Variants in CASR observed in about 807,000 individuals in gnomAD.
CASR encodes the protein calcium sensing receptor.
CASR carries 23 observed loss-of-function variants against 69.1 expected under a neutral mutation model. The observed-to-expected ratio is 0.33, with a 90% CI of 0.24 to 0.47. The LOEUF (loss-of-function observed/expected upper bound fraction) is 0.47. Among genes scored for constraint, CASR ranks in the 20% least tolerant of loss-of-function variants. The probability of loss-of-function intolerance (pLI) is 1.00; values close to 1 mark genes in which losing one functional copy is unlikely to be tolerated. For synonymous variants in CASR, 541 were observed against 544.7 expected (o/e 0.99, Z 0.10); for missense variants, 924 against 1,356.1 (o/e 0.68, Z 5.00).
chr3:122,222,667 G>A (rs2074183183), intron 1 of CASR, among the ~76,000 whole-genome samples: 1 of 152,078 alleles, frequency 6.6e-6, no homozygotes. Flanking sequence ...CATCAAGGCA[G>A]TATCTAACAA....
intron 3 of CASR, 63 bp downstream of exon 3, chr3:122,257,450 C>T (rs2074568248): frequency 4.0e-6 from 5 of 1,255,620 alleles, no homozygotes; most frequent in Non-Finnish European, 5.8e-6. Context: ...CTTGGGGGTG[C>T]CATGCCCAAT....
intron 1 of CASR, among the ~76,000 whole-genome samples, chr3:122,252,344 G>A (rs9871622): frequency 0.53 from 25,726 of 48,378 alleles, 8,682 homozygotes; most frequent in Admixed American, 0.64. Context: ...GAGAAAGAAA[G>A]AAGAAAGAAA....
chr3:122,204,704 G>A (rs530391772), intron 1 of CASR, among the ~76,000 whole-genome samples: 2 of 152,024 alleles, frequency 1.3e-5, no homozygotes, highest in Admixed American at 6.6e-5. Context: ...AGTGTATGAA[G>A]GTTCCCCTTT....
chr3:122,213,731 A>G (rs2074089987), intron 1 of CASR, among the ~76,000 whole-genome samples: 2 of 152,194 alleles, frequency 1.3e-5, no homozygotes, highest in Non-Finnish European at 2.9e-5. Flanking sequence ...ATTTGGGTAC[A>G]ATTACTAAGC....
In CASR at chr3:122,284,142, C is replaced by T; in HGVS notation, c.2188C>T (p.Leu730Phe). ...GLNLQFLLVFLCTFMQIVICV... is the reference protein window; with the variant it reads ...GLNLQFLLVFFCTFMQIVICV... ...CAACCTGCAGTTCCTGCTGGTTTTC[C>T]TCTGCACCTTCATGCAGATTGTCAT... Residue 730 changes from leucine to phenylalanine, a missense_variant, in exon 7 of 7, where the codon CTC becomes TTC. By Grantham distance (22) the Leu-to-Phe change is conservative (BLOSUM62 0). Transcript: ENST00000639785. 1 of 1,613,714 alleles carries T rather than the reference C, an allele frequency of 6.2e-7. No individual in the cohort carries two copies. Among genetic ancestry groups the T allele is most frequent in the Non-Finnish European group, 8.5e-7 (1 of 1,179,672 alleles).
chr3:122,242,799 C>T (rs1559950335), intron 1 of CASR, among the ~76,000 whole-genome samples: 1 of 152,106 alleles, frequency 6.6e-6, no homozygotes, highest in Admixed American at 6.5e-5. Flanking sequence ...GCAACCAAAA[C>T]AGCGTGGTAC....
chr3:122,264,761 G>A (rs761816586), intron 4 of CASR, among the ~76,000 whole-genome samples: 39 of 152,282 alleles, frequency 2.6e-4, no homozygotes, highest in Middle Eastern at 6.8e-3. Flanking sequence ...TTGGATGGGC[G>A]TTCCAGAATT....
Position 122,279,130 on chromosome 3 carries a change from A to T in CASR, c.1609-2983A>T, listed in dbSNP as rs151059083. Among the ~76,000 whole-genome samples the T allele has an allele frequency of 1.5e-3, 225 of 152,304 alleles. 1 individual carries two copies. The highest frequency in any genetic ancestry group is 5.2e-3 in the African/African-American group (217 of 41,550). On this transcript the variant is annotated intron_variant, in intron 5 of 6. Coordinates refer to ENST00000639785, the MANE Select transcript of CASR (RefSeq NM_000388.4). Reference sequence around the variant, plus strand: ...CCCTTCCTCTATCTTGCCTCCTGGAAACCAAATGCCACTATCAAGGACTAT... The same window carrying T: ...CCCTTCCTCTATCTTGCCTCCTGGATACCAAATGCCACTATCAAGGACTAT...
chr3:122,212,678 G>C (rs938304516), intron 1 of CASR, among the ~76,000 whole-genome samples: 1 of 143,398 alleles, frequency 7.0e-6, no homozygotes, highest in African/African-American at 2.6e-5. Flanking sequence ...TTTCCCTCTT[G>C]TTGCCCAGGC....
chr3:122,204,018 A>G (rs2073982680), intron 1 of CASR, among the ~76,000 whole-genome samples: 1 of 152,132 alleles, frequency 6.6e-6, no homozygotes, highest in South Asian at 2.1e-4. Context: ...ATAATTTAAT[A>G]CATTCATGTA....
At chr3:122,251,822 G>A (rs1388120572) in intron 1 of CASR, among the ~76,000 whole-genome samples, 6 of 152,380 alleles carry the variant, frequency 3.9e-5, no homozygotes, top group African/African-American at 1.4e-4. Context: ...CAGACATTAA[G>A]TGACTTGCCC....
At chr3:122,211,467 GGAGGCCAAGGCAGGTGGATCACTTGA>G (rs1446668088) in intron 1 of CASR, among the ~76,000 whole-genome samples, 1 of 152,218 alleles carries the variant, frequency 6.6e-6, no homozygotes, top group African/African-American at 2.4e-5. Flanking sequence ...CAACATGTTG[GGAGGCCAAGGCAGGTGGATCACTTGA>G]GGCCAAGAGT....
intron 1 of CASR, among the ~76,000 whole-genome samples, chr3:122,211,941 A>G (rs6763821): frequency 0.72 from 110,142 of 151,990 alleles, 40,142 homozygotes; most frequent in Admixed American, 0.82. Context: ...GAGAAATAGG[A>G]ATGCTTTTAC....
At position 122,257,319 on chromosome 3, in the gene CASR, G is replaced by C; in HGVS notation, c.424G>C (p.Val142Leu). The C allele has an allele frequency of 6.2e-7, 1 of 1,614,152 alleles. No homozygotes were observed. The highest frequency in any genetic ancestry group is 8.5e-7 in the Non-Finnish European group (1 of 1,179,988). ...SEHIPSTIAVVGATGSGVSTA... is the reference protein window; with the variant it reads ...SEHIPSTIAVLGATGSGVSTA... ...GCACATTCCCTCTACGATTGCTGTG[G>C]TGGGAGCAACTGGCTCAGGCGTCTC... The change falls in exon 3 of 7, where the codon GTG becomes CTG. Residue 142 changes from valine to leucine, a missense_variant. Val to Leu is a conservative substitution (Grantham distance 32). This residue lies in a region of CASR where 141 missense variants were observed against 283.0 expected (regional missense o/e 0.50). Transcript: ENST00000639785.
In CASR at chr3:122,284,288, C is replaced by T. The variant is rs1174997420; in HGVS notation, c.2334C>T (p.Gly778=). Reference sequence around the variant, plus strand: ...TCATGGCCCTGGGCTTCCTGATCGGCTACACCTGCCTGCTGGCTGCCATCT... The same window carrying T: ...TCATGGCCCTGGGCTTCCTGATCGGTTACACCTGCCTGCTGGCTGCCATCT... The part of the protein sequence containing the change: ...GSLMALGFLI[G]YTCLLAAICF... Residue 778 remains glycine (G), a synonymous_variant, in exon 7 of 7, where the codon GGC becomes GGT. Transcript: ENST00000639785. The T allele has an allele frequency of 1.2e-6, 2 of 1,614,040 alleles. No individual in the cohort carries two copies. The highest frequency in any genetic ancestry group is 3.3e-5 in the Admixed American group (2 of 60,004).
intron 4 of CASR, among the ~76,000 whole-genome samples, chr3:122,268,103 T>C (rs765845370): frequency 6.6e-6 from 1 of 152,236 alleles, no homozygotes; most frequent in Non-Finnish European, 1.5e-5. Context: ...TGCCACCTAA[T>C]TGCCTTATGA....
At chr3:122,230,293 A>G (rs1360904190) in intron 1 of CASR, among the ~76,000 whole-genome samples, 1 of 152,214 alleles carries the variant, frequency 6.6e-6, no homozygotes, top group Non-Finnish European at 1.5e-5. Flanking sequence ...GCCAGAACCC[A>G]AGTCCAGGGA....
In CASR at chr3:122,285,188, A is replaced by G. The variant is rs556263764; in HGVS notation, c.3234A>G (p.Ser1078=). ...CTGTTACAGAAAACGTAGTGAATTC[A>G]TAAAATGGAAGGAGAAGACTGGGCT... The part of the protein sequence containing the change: ...GSTVTENVVN[S] Residue 1078 remains serine, a synonymous_variant, in exon 7 of 7, where the codon TCA becomes TCG. Transcript: ENST00000639785. The G allele has an allele frequency of 2.6e-5, 42 of 1,613,968 alleles. No individual in the cohort carries two copies. In the South Asian group the frequency reaches 4.2e-4, roughly 16 times the overall value.
At chr3:122,227,567 C>T (rs1377956759) in intron 1 of CASR, among the ~76,000 whole-genome samples, 2 of 152,068 alleles carry the variant, frequency 1.3e-5, no homozygotes, top group African/African-American at 4.8e-5. Flanking sequence ...CCCTCCACAC[C>T]TCCCTGCGAG....
Sources: allele counts gnomAD v4.1 joint callset (sites outside exome capture counted in the v4.1 genomes callset), GRCh38; gene constraint gnomAD v4.1.1; regional missense constraint gnomAD v4.1.1; transcripts MANE v1.5; gene names NCBI Gene and HGNC (gene_info 2026-07-23, HGNC 2026-07-21).